Variants in LY96 observed in about 807,000 individuals in gnomAD.
LY96 encodes the protein myeloid differentiation protein-2.
Under a neutral mutation model 18.9 loss-of-function variants are expected in LY96, and 18 were observed. That is an observed-to-expected ratio of 0.95 (90% confidence interval 0.66 to 1.41). LY96 has a LOEUF of 1.41. LY96 is among the 40% of genes most tolerant of loss of function. The pLI is 0.00. For synonymous variants in LY96, 66 were observed against 62.6 expected (o/e 1.06, Z -0.26); for missense variants, 175 against 182.4 (o/e 0.96, Z 0.23).
At chr8:74,038,698 TC>T in the LY96 span, among the ~76,000 whole-genome samples, 1 of 152,312 alleles carries the variant, frequency 6.6e-6, no homozygotes, top group African/African-American at 2.4e-5. Flanking sequence ...AGACTCTCAT[TC>T]TTTTTTGTGG....
chr8:74,061,204 T>C, the LY96 span, among the ~76,000 whole-genome samples: 7 of 152,152 alleles, frequency 4.6e-5, no homozygotes, highest in Non-Finnish European at 8.8e-5. Context: ...TAACCTCCAA[T>C]GTGATGGTTT....
chr8:74,045,356 C>A, the LY96 span, among the ~76,000 whole-genome samples: 1 of 152,144 alleles, frequency 6.6e-6, no homozygotes, highest in Admixed American at 6.5e-5. Flanking sequence ...ATGCCAGTGA[C>A]AAAAACAAAG....
At chr8:74,006,480 G>A (rs942686201) in intron 2 of LY96, among the ~76,000 whole-genome samples, 5 of 152,104 alleles carry the variant, frequency 3.3e-5, no homozygotes, top group South Asian at 2.1e-4. Context: ...TTACAGGCGC[G>A]AGCCACCGTG....
Position 74,022,470 on chromosome 8 carries a change from A to AC in LY96, c.332-4319_332-4318insC, listed in dbSNP as rs928435466. Among the ~76,000 whole-genome samples, 6 of 151,728 alleles carry AC rather than the reference A, an allele frequency of 4.0e-5. 1 individual carries two copies. Among genetic ancestry groups the AC allele is most frequent in the African/African-American group, 1.5e-4 (6 of 41,220 alleles). ...GACAGACAAAACAATTGAAAAACAA[A>AC]AAAAAAAGGGTTCTATCCAACAGAA... is the stretch of plus-strand genomic sequence containing the variant. On this transcript the variant is annotated intron_variant, in intron 3 of 4. Transcript: ENST00000284818.
the LY96 span, among the ~76,000 whole-genome samples, chr8:74,086,478 A>C: frequency 9.9e-5 from 15 of 152,190 alleles, no homozygotes; most frequent in African/African-American, 3.6e-4. Flanking sequence ...ATTAATCACG[A>C]GAATTTCCAT....
the LY96 span, among the ~76,000 whole-genome samples, chr8:74,062,971 A>T: frequency 0.054 from 8,212 of 152,306 alleles, 294 homozygotes; most frequent in African/African-American, 0.1. Flanking sequence ...TGCAGCAAAA[A>T]TTTAACTTAT....
chr8:74,033,084 A>T (rs1816997115), downstream of LY96, among the ~76,000 whole-genome samples: 1 of 152,198 alleles, frequency 6.6e-6, no homozygotes, highest in Non-Finnish European at 1.5e-5. Flanking sequence ...ACCCTGGGTG[A>T]CATTACTCCG....
At chr8:74,054,625 TTTCTTTC>T in the LY96 span, among the ~76,000 whole-genome samples, 1 of 102,686 alleles carries the variant, frequency 9.7e-6, no homozygotes, top group African/African-American at 4.0e-5. Context: ...TCCTTCTTTC[TTTCTTTC>T]TTTCTTTCTT....
At chr8:74,081,048 T>TTCTTCTC in the LY96 span, among the ~76,000 whole-genome samples, 26 of 97,062 alleles carry the variant, frequency 2.7e-4, no homozygotes, top group African/African-American at 1.3e-3. Flanking sequence ...CTTTCTTTCT[T>TTCTTCTC]TTTCTTTCTT....
intron 1 of LY96, among the ~76,000 whole-genome samples, chr8:74,003,202 CAGG>C (rs58756290): frequency 0.29 from 44,695 of 151,862 alleles, 6,787 homozygotes; most frequent in Admixed American, 0.36. Context: ...TTGTGGGAAT[CAGG>C]AGGACGAGAG....
the LY96 span, among the ~76,000 whole-genome samples, chr8:74,072,422 C>T: frequency 6.6e-6 from 1 of 152,144 alleles, no homozygotes; most frequent in African/African-American, 2.4e-5. Flanking sequence ...TTTTCCACTT[C>T]TAACTGATGC....
chr8:73,995,388 G>A (rs555966354), intron 1 of LY96, among the ~76,000 whole-genome samples: 89 of 152,288 alleles, frequency 5.8e-4, no homozygotes, highest in African/African-American at 1.5e-3. Context: ...CATCCCTGGC[G>A]TTTCTTTGTG....
downstream of LY96, among the ~76,000 whole-genome samples, chr8:74,030,330 T>C (rs1032528754): frequency 6.6e-6 from 1 of 152,048 alleles, no homozygotes; most frequent in African/African-American, 2.4e-5. Flanking sequence ...CTGGCCAACA[T>C]GGTGAAATCC....
chr8:74,026,803 A>G lies in LY96; in HGVS notation c.346A>G (p.Thr116Ala). The change falls in exon 4 of 5, where the codon ACA (threonine) becomes GCA (alanine). Residue 116 changes from threonine (T) to alanine (A), a missense_variant. By Grantham distance (58) the Thr-to-Ala change is moderately conservative. Coordinates refer to ENST00000284818, the MANE Select transcript of LY96 (RefSeq NM_015364.5). ...RALKGETVNT[T>A]ISFSFKGIKF... Reference sequence around the variant, plus strand: ...TTTGTTTGCAGAGACTGTGAATACAACAATATCATTCTCCTTCAAGGGAAT... The same window carrying G: ...TTTGTTTGCAGAGACTGTGAATACAGCAATATCATTCTCCTTCAAGGGAAT... 3 of 1,532,930 alleles carry G rather than the reference A, an allele frequency of 2.0e-6. No homozygotes were observed. The highest frequency in any genetic ancestry group is 2.7e-6 in the Non-Finnish European group (3 of 1,106,852). 95.0% of individuals were successfully genotyped at this position (1,532,930 alleles called of 1,614,324 possible). A position where few individuals can be genotyped will look rare whatever the true frequency, so the allele number is the denominator to read the frequency against.
In LY96 at chr8:74,004,886, G is replaced by A; in HGVS notation, c.202+1G>A. 6.3e-7 allele frequency: 1 copy of A among 1,590,614 alleles called. No homozygotes were observed. Among genetic ancestry groups the A allele is most frequent in the Non-Finnish European group, 8.6e-7 (1 of 1,161,426 alleles). ...TTATTGCACATTTTCTACATTCCAA[G>A]TAAGTTCAAATTTTTGCTTTTATAG... On this transcript the variant is annotated splice_donor_variant, in intron 2 of 4. Transcript: ENST00000284818. LOFTEE classifies it high-confidence loss of function.
chr8:74,018,863 C>CCTT (rs1816699527), intron 3 of LY96, among the ~76,000 whole-genome samples: 5 of 152,176 alleles, frequency 3.3e-5, no homozygotes, highest in Non-Finnish European at 7.3e-5. Flanking sequence ...TAAAGATATT[C>CCTT]TTTGAAACCA....
At chr8:74,044,060 G>T in the LY96 span, among the ~76,000 whole-genome samples, 1 of 152,076 alleles carries the variant, frequency 6.6e-6, no homozygotes. Flanking sequence ...AAGCCACCAA[G>T]CCAGACCAGC....
the LY96 span, among the ~76,000 whole-genome samples, chr8:74,075,964 G>A: frequency 5.9e-5 from 9 of 152,290 alleles, no homozygotes; most frequent in East Asian, 7.7e-4. Context: ...CTGTTGCGAC[G>A]CAGTCCTGGC....
At chr8:74,080,986 CTTTCTTTCTT>C in the LY96 span, among the ~76,000 whole-genome samples, 3 of 46,188 alleles carry the variant, frequency 6.5e-5, no homozygotes, top group South Asian at 8.7e-4. Context: ...CTTTCTCTCT[CTTTCTTTCTT>C]TCTTTCTTTC....
Sources: allele counts gnomAD v4.1 joint callset (sites outside exome capture counted in the v4.1 genomes callset), GRCh38; gene constraint gnomAD v4.1.1; transcripts MANE v1.5; gene names NCBI Gene and HGNC (gene_info 2026-07-23, HGNC 2026-07-21).